Variants in SAMD12 observed in about 807,000 individuals in gnomAD.
The protein encoded by SAMD12 is sterile alpha motif domain-containing protein 12.
A neutral mutation model predicts 15.0 loss-of-function variants in SAMD12; 9 were observed. That is an observed-to-expected ratio of 0.60 (90% CI 0.36 to 1.05). The LOEUF (loss-of-function observed/expected upper bound fraction) is 1.05. Among genes scored for constraint, SAMD12 ranks in the 50% least tolerant of loss-of-function variants. The pLI is 0.01. For missense variants in SAMD12, 230 were observed against 234.2 expected (o/e 0.98, Z 0.12); for synonymous variants, 86 against 90.1 (o/e 0.96, Z 0.25).
intron 4 of SAMD12, among the ~76,000 whole-genome samples, chr8:118,230,487 T>C (rs1033980957): frequency 4.0e-5 from 6 of 151,808 alleles, no homozygotes; most frequent in African/African-American, 7.3e-5. Context: ...GATAATGACG[T>C]TTCTTGGAAG....
chr8:118,342,916 T>C (rs1337940708), intron 4 of SAMD12, among the ~76,000 whole-genome samples: 1 of 151,900 alleles, frequency 6.6e-6, no homozygotes, highest in Non-Finnish European at 1.5e-5. Flanking sequence ...GTGGTGGAGG[T>C]GGTAGCATTG....
At chr8:118,598,444 C>T (rs912605734) in intron 1 of SAMD12, among the ~76,000 whole-genome samples, 5 of 152,200 alleles carry the variant, frequency 3.3e-5, no homozygotes, top group Admixed American at 3.3e-4. Context: ...GAAACCAAAC[C>T]TGCTGACACC....
intron 1 of SAMD12, among the ~76,000 whole-genome samples, chr8:118,616,053 A>G (rs1828231413): frequency 6.6e-6 from 1 of 152,196 alleles, no homozygotes; most frequent in South Asian, 2.1e-4. Context: ...CTGGTGCAGG[A>G]AAGTCAGATC....
At position 118,580,806 on chromosome 8, in the gene SAMD12, T is replaced by C. The variant is rs1239949041; in HGVS notation, c.101A>G (p.Glu34Gly). 1 of 1,612,952 alleles carries C rather than the reference T, an allele frequency of 6.2e-7. No homozygotes were observed. Among genetic ancestry groups the C allele is most frequent in the Non-Finnish European group, 8.5e-7 (1 of 1,179,110 alleles). Residue 34 changes from glutamate to glycine, a missense_variant, in exon 2 of 4, where the codon GAA becomes GGA. Coordinates refer to ENST00000314727, the MANE Select transcript of SAMD12 (RefSeq NM_207506.3). ...IKLQIEGEGVESQSIKNKNFQ... is the reference protein window; with the variant it reads ...IKLQIEGEGVGSQSIKNKNFQ... Reference sequence around the variant, plus strand: ...ATTTTTATTTTTAATGGATTGAGATTCCACACCTTCACCTTCAATTTGCAG... The same window carrying C: ...ATTTTTATTTTTAATGGATTGAGATCCCACACCTTCACCTTCAATTTGCAG...
chr8:118,308,298 A>G (rs1260317750), intron 4 of SAMD12, among the ~76,000 whole-genome samples: 1 of 152,038 alleles, frequency 6.6e-6, no homozygotes, highest in Non-Finnish European at 1.5e-5. Context: ...TCCTCACATA[A>G]TAATTGTGAT....
the SAMD12 span, among the ~76,000 whole-genome samples, chr8:118,146,123 G>A: frequency 2.0e-4 from 31 of 152,170 alleles, no homozygotes; most frequent in Non-Finnish European, 8.8e-5. Flanking sequence ...CTTCGGTACA[G>A]GAAAACTTCC....
At chr8:118,473,791 G>A (rs1189131194) in intron 2 of SAMD12, among the ~76,000 whole-genome samples, 1 of 152,124 alleles carries the variant, frequency 6.6e-6, no homozygotes, top group Non-Finnish European at 1.5e-5. Context: ...ATGAGGTGCA[G>A]CTGACATGGC....
chr8:118,237,926 T>C (rs903012604), intron 4 of SAMD12, among the ~76,000 whole-genome samples: 3 of 152,114 alleles, frequency 2.0e-5, no homozygotes, highest in Non-Finnish European at 4.4e-5. Flanking sequence ...TCTCAAACTG[T>C]ATCAGGTCTC....
At chr8:118,589,199 C>T (rs766356902) in intron 1 of SAMD12, among the ~76,000 whole-genome samples, 1 of 152,150 alleles carries the variant, frequency 6.6e-6, no homozygotes, top group Admixed American at 6.5e-5. Context: ...CCACAAAACT[C>T]GTGCTATTGT....
intron 4 of SAMD12, among the ~76,000 whole-genome samples, chr8:118,345,850 T>C (rs924807167): frequency 1.3e-5 from 2 of 152,104 alleles, no homozygotes; most frequent in Admixed American, 6.5e-5. Flanking sequence ...CCACCCATGG[T>C]AGAGGATATG....
intron 2 of SAMD12, among the ~76,000 whole-genome samples, chr8:118,526,735 C>T (rs776887285): frequency 8.5e-5 from 13 of 152,072 alleles, no homozygotes; most frequent in African/African-American, 1.4e-4. Context: ...CTGGCAGGGG[C>T]TTAAATGTTC....
chr8:118,137,157 AT>A, the SAMD12 span, among the ~76,000 whole-genome samples: 1 of 152,200 alleles, frequency 6.6e-6, no homozygotes, highest in Non-Finnish European at 1.5e-5. Flanking sequence ...GTGGTTTCCC[AT>A]TGGCCACTTG....
chr8:118,249,426 G>A lies in SAMD12; in HGVS notation c.434-51694C>T, dbSNP rs551860579. On this transcript the variant is annotated intron_variant, in intron 4 of 4. Coordinates refer to the SAMD12 transcript ENST00000409003. Reference sequence around the variant, plus strand: ...GATTCAACCTAGTATTTGGCACACAGCAAATTCAAGTTTTGATCTTTGGAA... The same window carrying A: ...GATTCAACCTAGTATTTGGCACACAACAAATTCAAGTTTTGATCTTTGGAA... Among the ~76,000 whole-genome samples the A allele has an allele frequency of 2.6e-5, 4 of 152,186 alleles. No individual in the cohort carries two copies. In the East Asian group the frequency reaches 7.7e-4, roughly 29 times the overall value.
At chr8:118,330,856 G>A (rs1173704446) in intron 4 of SAMD12, among the ~76,000 whole-genome samples, 5 of 151,984 alleles carry the variant, frequency 3.3e-5, no homozygotes, top group Non-Finnish European at 5.9e-5. Context: ...ATTACCTATC[G>A]GGTACAATGT....
intron 3 of SAMD12, among the ~76,000 whole-genome samples, chr8:118,384,105 C>G (rs1458592068): frequency 6.6e-6 from 1 of 151,980 alleles, no homozygotes; most frequent in Admixed American, 6.6e-5. Context: ...AGGCTGGAAC[C>G]AGAAAGGAGA....
intron 4 of SAMD12, among the ~76,000 whole-genome samples, chr8:118,294,081 G>A (rs776073945): frequency 1.8e-4 from 28 of 152,236 alleles, no homozygotes; most frequent in Non-Finnish European, 3.7e-4. Flanking sequence ...GCAGCCTGCT[G>A]TCATGTCAGA....
intron 4 of SAMD12, among the ~76,000 whole-genome samples, chr8:118,205,437 C>T (rs1407792142): frequency 6.6e-6 from 1 of 152,186 alleles, no homozygotes; most frequent in Non-Finnish European, 1.5e-5. Context: ...TTGCAGCAAC[C>T]AAAGTAGGTA....
chr8:118,303,021 T>C (rs1815129461), intron 4 of SAMD12, among the ~76,000 whole-genome samples: 1 of 152,234 alleles, frequency 6.6e-6, no homozygotes, highest in Admixed American at 6.5e-5. Context: ...ACTAAGTTAA[T>C]ACATATGGCT....
intron 3 of SAMD12, among the ~76,000 whole-genome samples, chr8:118,394,271 GCCTTCAAATATCTTTCCTC>G (rs1395088726): frequency 1.3e-5 from 2 of 152,204 alleles, no homozygotes; most frequent in Non-Finnish European, 2.9e-5. Context: ...CACATGCTCA[GCCTTCAAATATCTTTCCTC>G]CCTTCTTGTC....
Sources: allele counts gnomAD v4.1 joint callset (sites outside exome capture counted in the v4.1 genomes callset), GRCh38; gene constraint gnomAD v4.1.1; transcripts MANE v1.5; gene names NCBI Gene and HGNC (gene_info 2026-07-23, HGNC 2026-07-21).